Variants in DPT observed in about 807,000 individuals in gnomAD.
DPT encodes dermatopontin.
A neutral mutation model predicts 31.2 loss-of-function variants in DPT; 21 were observed. The observed-to-expected ratio is 0.67, with a 90% confidence interval of 0.48 to 0.97. DPT has a LOEUF of 0.97. Among genes scored for constraint, DPT ranks in the 50% least tolerant of loss-of-function variants. The pLI, the probability that DPT is intolerant of heterozygous loss-of-function variation, is 0.00. For missense variants in DPT, 262 were observed against 258.8 expected (o/e 1.01, Z -0.08); for synonymous variants, 91 against 86.9 (o/e 1.05, Z -0.26).
chr1:168,701,875 A>G (rs1649605930), intron 2 of DPT, among the ~76,000 whole-genome samples: 2 of 152,198 alleles, frequency 1.3e-5, no homozygotes, highest in South Asian at 4.1e-4. Flanking sequence ...TTGTCATTGG[A>G]ACTAATAAAA....
At chr1:168,707,801 A>G (rs901690618) in intron 2 of DPT, among the ~76,000 whole-genome samples, 2 of 152,084 alleles carry the variant, frequency 1.3e-5, no homozygotes, top group Non-Finnish European at 2.9e-5. Flanking sequence ...TGTGAAGGAC[A>G]TGTTTGCTTC....
chr1:168,715,049 G>A (rs1020858322), intron 1 of DPT, among the ~76,000 whole-genome samples: 2 of 152,022 alleles, frequency 1.3e-5, no homozygotes, highest in African/African-American at 4.8e-5. Flanking sequence ...TGTGGAGGCA[G>A]TCCTTACAGA....
chr1:168,721,964 G>C (rs1487485423), intron 1 of DPT, among the ~76,000 whole-genome samples: 2 of 152,204 alleles, frequency 1.3e-5, no homozygotes, highest in Non-Finnish European at 2.9e-5. Context: ...ATGACCTGCA[G>C]AACAGCATCT....
At chr1:168,709,314 C>T (rs914930526) in intron 2 of DPT, among the ~76,000 whole-genome samples, 2 of 152,198 alleles carry the variant, frequency 1.3e-5, no homozygotes, top group African/African-American at 4.8e-5. Flanking sequence ...GTTGTGGCAA[C>T]TTCAGTGACA....
intron 1 of DPT, among the ~76,000 whole-genome samples, chr1:168,716,883 C>T (rs1192679667): frequency 6.6e-6 from 1 of 152,202 alleles, no homozygotes; most frequent in South Asian, 2.1e-4. Context: ...AGGACATGAT[C>T]TCATTCATTT....
At chr1:168,701,255 T>C in intron 2 of DPT, 131 bp from the exon 3 acceptor site, 1 of 706,150 alleles carries the variant, frequency 1.4e-6, no homozygotes. Flanking sequence ...TTAAATGACA[T>C]CCACCAAACA....
intron 2 of DPT, among the ~76,000 whole-genome samples, chr1:168,703,417 TC>T (rs1272135830): frequency 6.6e-6 from 1 of 152,234 alleles, no homozygotes; most frequent in Non-Finnish European, 1.5e-5. Flanking sequence ...AAATGTTATT[TC>T]ATGCTTTCTT....
At position 168,696,443 on chromosome 1, in the gene DPT, G is replaced by C; in HGVS notation, c.*106C>G. ...AGTTACCAGCTCAGGGAGAAGGAAA[G>C]AGAGCAGCAGAAACTTCTATAGGAG... On this transcript the variant is annotated 3_prime_UTR_variant, in exon 4 of 4. Transcript: ENST00000367817. 3.2e-6 allele frequency: 3 copies of C among 929,472 alleles called. No individual in the cohort carries two copies. The South Asian group carries it at 5.3e-5, about 16-fold the overall frequency. 57.6% of individuals were successfully genotyped at this position (929,472 alleles called of 1,614,324 possible). A position where few individuals can be genotyped will look rare whatever the true frequency, so the allele number is the denominator to read the frequency against.
intron 1 of DPT, among the ~76,000 whole-genome samples, chr1:168,718,952 C>T (rs1048977787): frequency 9.2e-5 from 14 of 152,156 alleles, no homozygotes; most frequent in Admixed American, 7.2e-4. Flanking sequence ...TTCCCTAAAA[C>T]AAAGCTCAAT....
intron 1 of DPT, among the ~76,000 whole-genome samples, chr1:168,718,140 T>C (rs1346299055): frequency 1.3e-5 from 2 of 152,254 alleles, no homozygotes; most frequent in Non-Finnish European, 2.9e-5. Flanking sequence ...GGCTGTGGTT[T>C]CCACGGAGTT....
chr1:168,715,920 C>T (rs1011246025), intron 1 of DPT, among the ~76,000 whole-genome samples: 8 of 152,226 alleles, frequency 5.3e-5, no homozygotes, highest in African/African-American at 1.2e-4. Context: ...ATGTGCATGG[C>T]CAGACAGCTG....
At position 168,711,676 on chromosome 1, in the gene DPT, C is replaced by A. The variant is rs1004624412; in HGVS notation, c.431+2545G>T. ...TGACACCTGCTAGGTTGTTCCTGGG[C>A]AGAGTTTGCCTTTGAATGTCCTGTT... On this transcript the variant is annotated intron_variant, in intron 2 of 3. Coordinates refer to ENST00000367817, the MANE Select transcript of DPT (RefSeq NM_001937.5). Among the ~76,000 whole-genome samples the A allele has an allele frequency of 4.6e-5, 7 of 152,330 alleles. No individual in the cohort carries two copies. In the East Asian group the frequency reaches 1.4e-3, roughly 29 times the overall value.
chr1:168,701,957 C>T (rs953524005), intron 2 of DPT, among the ~76,000 whole-genome samples: 10 of 148,528 alleles, frequency 6.7e-5, no homozygotes, highest in African/African-American at 2.4e-4. Context: ...TTTCTTCTTC[C>T]TCTTCCTCCT....
intron 2 of DPT, among the ~76,000 whole-genome samples, chr1:168,703,504 G>A (rs1572625296): frequency 6.6e-6 from 1 of 152,224 alleles, no homozygotes; most frequent in African/African-American, 2.4e-5. Context: ...CAGTTTGTCC[G>A]AGAAGCCTCT....
chr1:168,726,501 C>T (rs1451009538), intron 1 of DPT, among the ~76,000 whole-genome samples: 2 of 152,206 alleles, frequency 1.3e-5, no homozygotes, highest in Admixed American at 1.3e-4. Context: ...AGCCTGACTG[C>T]TCACTTTCCA....
At position 168,701,251 on chromosome 1, in the gene DPT, G is replaced by A. The variant is rs140096800; in HGVS notation, c.432-127C>T. 773 of 726,590 alleles carry A rather than the reference G, an allele frequency of 1.1e-3. 5 individuals carry two copies. The African/African-American group carries it at 0.012, about 12-fold the overall frequency. 45.0% of individuals were successfully genotyped at this position (726,590 alleles called of 1,614,324 possible). On this transcript the variant is annotated intron_variant, in intron 2 of 3. Transcript: ENST00000367817. Reference sequence around the variant, plus strand: ...TGGCAAATCCAGACTGAAGTTAAATGACATCCACCAAACAACTCCAGGCTG... The same window carrying A: ...TGGCAAATCCAGACTGAAGTTAAATAACATCCACCAAACAACTCCAGGCTG...
chr1:168,718,126 G>C (rs1305778696), intron 1 of DPT, among the ~76,000 whole-genome samples: 1 of 152,242 alleles, frequency 6.6e-6, no homozygotes, highest in Admixed American at 6.5e-5. Flanking sequence ...TCAGAACTGA[G>C]CTGGGCTGTG....
intron 2 of DPT, 88 bp from the exon 3 acceptor site, chr1:168,701,212 G>A (rs993037670): frequency 9.7e-7 from 1 of 1,026,476 alleles, no homozygotes; most frequent in Non-Finnish European, 1.5e-6. Flanking sequence ...AGAAGAGATG[G>A]AGTTTGAGCA....
At chr1:168,701,350 T>C (rs1649593255) in intron 2 of DPT, among the ~76,000 whole-genome samples, 1 of 152,158 alleles carries the variant, frequency 6.6e-6, no homozygotes, top group Non-Finnish European at 1.5e-5. Context: ...CTGAAAAAGA[T>C]GAAGATACCT....
Sources: gnomAD v4.1 joint callset for allele counts (sites outside exome capture counted in the v4.1 genomes callset) on GRCh38, gnomAD v4.1.1 for gene constraint, MANE v1.5 for transcripts, NCBI Gene and HGNC (gene_info 2026-07-23, HGNC 2026-07-21) for gene names.